Variants in ESRRB observed in about 807,000 individuals in gnomAD.
ESRRB encodes the protein estrogen related receptor beta.
Under a neutral mutation model 46.0 loss-of-function variants are expected in ESRRB, and 16 were observed. The ratio of observed to expected loss-of-function variants is 0.35; its 90% CI spans 0.24 to 0.53. The LOEUF is 0.53. Among genes scored for constraint, ESRRB ranks in the 20% least tolerant of loss-of-function variants. The pLI is 0.93. For missense variants in ESRRB, 488 were observed against 607.4 expected (o/e 0.80, Z 2.07); for synonymous variants, 246 against 259.6 (o/e 0.95, Z 0.50).
At chr14:76,419,884 C>T (rs1566888239) in intron 1 of ESRRB, among the ~76,000 whole-genome samples, 1 of 152,070 alleles carries the variant, frequency 6.6e-6, no homozygotes, top group Non-Finnish European at 1.5e-5. Context: ...GCAGGCAGCT[C>T]TGGGGTGGAT....
chr14:76,338,520 T>C (rs575733809), intron 1 of ESRRB, among the ~76,000 whole-genome samples: 1 of 152,374 alleles, frequency 6.6e-6, no homozygotes, highest in East Asian at 1.9e-4. Context: ...AACTCCAGGC[T>C]GCCTGTCCCT....
intron 1 of ESRRB, among the ~76,000 whole-genome samples, chr14:76,414,748 A>T (rs1886624683): frequency 6.7e-6 from 1 of 149,030 alleles, no homozygotes; most frequent in Non-Finnish European, 1.5e-5. Flanking sequence ...TTGGAAGGAG[A>T]TACTCTGTAA....
rs866052261 is a variant in ESRRB, at chr14:76,358,347, G to T, written c.2+47431G>T. Among the ~76,000 whole-genome samples the T allele has an allele frequency of 1.4e-4, 4 of 28,968 alleles. 1 individual carries two copies. Among genetic ancestry groups the T allele is most frequent in the Non-Finnish European group, 2.6e-4 (4 of 15,536 alleles). 19.0% of individuals were successfully genotyped at this position (28,968 alleles called of 152,430 possible). A position where few individuals can be genotyped will look rare whatever the true frequency, so the allele number is the denominator to read the frequency against. On this transcript the variant is annotated intron_variant, in intron 1 of 6. Coordinates refer to the ESRRB transcript ENST00000512784. ...AAAAAGAAAGAAAGAAAGAAAGAAA[G>T]AAAGAAAGAAAGAAAGAAAGAAAGA... is the stretch of plus-strand genomic sequence containing the variant.
At chr14:76,332,951 T>C (rs1884055313) in intron 1 of ESRRB, among the ~76,000 whole-genome samples, 1 of 44,180 alleles carries the variant, frequency 2.3e-5, no homozygotes, top group African/African-American at 9.4e-5. Flanking sequence ...ATATATTATA[T>C]ATTTACATTA....
chr14:76,342,226 A>C (rs143748439), intron 1 of ESRRB, among the ~76,000 whole-genome samples: 49 of 152,352 alleles, frequency 3.2e-4, no homozygotes, highest in African/African-American at 1.1e-3. Context: ...GGAAGGAGTC[A>C]GCACAATGGT....
intron 1 of ESRRB, among the ~76,000 whole-genome samples, chr14:76,401,513 T>C (rs1409624944): frequency 6.6e-6 from 1 of 152,244 alleles, no homozygotes; most frequent in East Asian, 1.9e-4. Flanking sequence ...TGTATAGTCA[T>C]GTGCCACATA....
At chr14:76,461,907 G>A (rs939436383) in intron 2 of ESRRB, among the ~76,000 whole-genome samples, 3 of 152,154 alleles carry the variant, frequency 2.0e-5, no homozygotes, top group Non-Finnish European at 2.9e-5. Flanking sequence ...TGACCCCCTC[G>A]CATTGAATAG....
chr14:76,430,492 G>C (rs1887393166), intron 1 of ESRRB, among the ~76,000 whole-genome samples: 1 of 152,124 alleles, frequency 6.6e-6, no homozygotes, highest in Admixed American at 6.5e-5. Flanking sequence ...ATGAGGGAAG[G>C]GGTTTGCTGG....
At chr14:76,402,658 T>C (rs1034423387) in intron 1 of ESRRB, among the ~76,000 whole-genome samples, 1 of 152,226 alleles carries the variant, frequency 6.6e-6, no homozygotes, top group Admixed American at 6.5e-5. Flanking sequence ...CATCCCAAAG[T>C]GAAAGGACTC....
At chr14:76,440,706 T>TC (rs1408051882) in intron 2 of ESRRB, among the ~76,000 whole-genome samples, 4 of 151,704 alleles carry the variant, frequency 2.6e-5, no homozygotes, top group African/African-American at 9.7e-5. Context: ...TCTCTTTCTT[T>TC]TTCTTTCTCT....
intron 1 of ESRRB, among the ~76,000 whole-genome samples, chr14:76,409,116 C>T (rs1181888641): frequency 6.6e-6 from 1 of 152,218 alleles, no homozygotes; most frequent in Admixed American, 6.5e-5. Context: ...CTTCCCCTGA[C>T]AGTTTCTTGG....
intron 5 of ESRRB, among the ~76,000 whole-genome samples, chr14:76,489,554 C>G (rs750551692): frequency 1.3e-5 from 2 of 151,956 alleles, no homozygotes; most frequent in Non-Finnish European, 2.9e-5. Flanking sequence ...TCGGTGTAAT[C>G]ACTCCTGCTC....
At chr14:76,433,509 A>G (rs1887542666) in intron 1 of ESRRB, among the ~76,000 whole-genome samples, 1 of 152,170 alleles carries the variant, frequency 6.6e-6, no homozygotes, top group African/African-American at 2.4e-5. Flanking sequence ...GACAATTAGT[A>G]CTGACAACAG....
At chr14:76,460,392 A>G (rs1409439790) in intron 2 of ESRRB, among the ~76,000 whole-genome samples, 1 of 152,208 alleles carries the variant, frequency 6.6e-6, no homozygotes, top group Admixed American at 6.5e-5. Context: ...TGGGACACTG[A>G]TGTGCCTTCA....
intron 2 of ESRRB, among the ~76,000 whole-genome samples, chr14:76,443,457 C>CA (rs1888003079): frequency 1.3e-5 from 2 of 151,836 alleles, no homozygotes; most frequent in Non-Finnish European, 2.9e-5. Context: ...AGAATGAGAA[C>CA]CTCCAGTATG....
At chr14:76,418,666 G>A (rs1000409865) in intron 1 of ESRRB, among the ~76,000 whole-genome samples, 5 of 152,166 alleles carry the variant, frequency 3.3e-5, no homozygotes, top group Admixed American at 3.3e-4. Flanking sequence ...CCAGGCTGGA[G>A]TGCAGTGGAG....
chr14:76,474,347 C>T (rs536156365), intron 3 of ESRRB, among the ~76,000 whole-genome samples: 1 of 152,292 alleles, frequency 6.6e-6, no homozygotes, highest in East Asian at 1.9e-4. Context: ...GTTGTTAATT[C>T]CACTAACCTG....
chr14:76,378,328 C>G (rs1392874921), intron 1 of ESRRB, among the ~76,000 whole-genome samples: 1 of 152,088 alleles, frequency 6.6e-6, no homozygotes, highest in South Asian at 2.1e-4. Context: ...ATCGAGTTGA[C>G]GGCAGCCCTG....
At chr14:76,316,370 A>G (rs12436741) in intron 1 of ESRRB, among the ~76,000 whole-genome samples, 40,698 of 151,918 alleles carry the variant, frequency 0.27, 5,577 homozygotes, top group Admixed American at 0.31. Context: ...TGCCATCCAA[A>G]CTTACAAAGT....
Sources: allele counts gnomAD v4.1 joint callset (sites outside exome capture counted in the v4.1 genomes callset), GRCh38; gene constraint gnomAD v4.1.1; transcripts MANE v1.5; gene names NCBI Gene and HGNC (gene_info 2026-07-23, HGNC 2026-07-21).